The following SEM1 variants were observed in gnomAD, a reference collection of about 807,000 sequenced individuals.
The protein encoded by SEM1 is SEM1 26S proteasome subunit, also known as 26S proteasome complex subunit SEM1.
A neutral mutation model predicts 12.7 loss-of-function variants in SEM1; 3 were observed. The ratio of observed to expected loss-of-function variants is 0.24; its 90% CI spans 0.11 to 0.61. SEM1 has a LOEUF of 0.61. Ranked by LOEUF, SEM1 falls within the 20% of genes least tolerant of loss-of-function variation. The probability of loss-of-function intolerance (pLI) is 0.88; values close to 1 mark genes in which losing one functional copy is unlikely to be tolerated. For missense variants in SEM1, 59 were observed against 81.3 expected (o/e 0.73, Z 1.06); for synonymous variants, 30 against 27.8 (o/e 1.08, Z -0.25).
intron 2 of SEM1, among the ~76,000 whole-genome samples, chr7:96,549,916 T>C (rs1387888201): frequency 6.6e-6 from 1 of 152,160 alleles, no homozygotes; most frequent in South Asian, 2.1e-4. Context: ...TGTAACTAAA[T>C]GGTATTACTT....
chr7:96,534,237 AG>A (rs1326449622), intron 2 of SEM1, among the ~76,000 whole-genome samples: 1 of 152,088 alleles, frequency 6.6e-6, no homozygotes, highest in Non-Finnish European at 1.5e-5. Context: ...AACAAAAAAA[AG>A]TTCAGCTTTG....
intron 2 of SEM1, 25 bp downstream of exon 2, chr7:96,694,773 A>G (rs1790036985): frequency 1.4e-6 from 2 of 1,422,434 alleles, no homozygotes; most frequent in Non-Finnish European, 2.0e-6. Flanking sequence ...ACTGAACTAC[A>G]ATAAAAATCT....
intron 2 of SEM1, among the ~76,000 whole-genome samples, chr7:96,527,429 G>A (rs567864671): frequency 6.6e-6 from 1 of 152,232 alleles, no homozygotes; most frequent in South Asian, 2.1e-4. Flanking sequence ...GTGTACCAGG[G>A]TGCGGGTAGC....
intron 2 of SEM1, among the ~76,000 whole-genome samples, chr7:96,584,756 G>T (rs1175738534): frequency 1.1e-4 from 17 of 151,942 alleles, no homozygotes; most frequent in Admixed American, 9.8e-4. Context: ...CCAGTTGACC[G>T]CATTGGCTCC....
At chr7:96,566,955 G>T (rs1805858886) in intron 2 of SEM1, among the ~76,000 whole-genome samples, 1 of 151,546 alleles carries the variant, frequency 6.6e-6, no homozygotes, top group Non-Finnish European at 1.5e-5. Context: ...TGAGGATTTT[G>T]GTATACATCT....
downstream of SEM1, among the ~76,000 whole-genome samples, chr7:96,618,524 TA>T (rs1807788967): frequency 6.6e-6 from 1 of 152,192 alleles, no homozygotes; most frequent in Non-Finnish European, 1.5e-5. Flanking sequence ...CAATAACTCG[TA>T]AGTTCAGTAA....
downstream of SEM1, among the ~76,000 whole-genome samples, chr7:96,620,454 G>C (rs1473537345): frequency 1.3e-5 from 2 of 152,158 alleles, no homozygotes; most frequent in Admixed American, 6.5e-5. Flanking sequence ...GGCATGTGGG[G>C]TACCCTTTCT....
chr7:96,537,127 T>G (rs1804808810), intron 2 of SEM1, among the ~76,000 whole-genome samples: 1 of 151,766 alleles, frequency 6.6e-6, no homozygotes, highest in Non-Finnish European at 1.5e-5. Context: ...TTAACTAATA[T>G]AAGTCTACTT....
At chr7:96,617,047 T>C (rs1285387006) in intron 2 of SEM1, among the ~76,000 whole-genome samples, 1 of 152,132 alleles carries the variant, frequency 6.6e-6, no homozygotes. Context: ...TTTGGTTTCA[T>C]ACGAATTTCA....
intron 2 of SEM1, among the ~76,000 whole-genome samples, chr7:96,630,918 A>T (rs1808237446): frequency 6.6e-6 from 1 of 152,178 alleles, no homozygotes; most frequent in African/African-American, 2.4e-5. Flanking sequence ...AGGTATGTAT[A>T]GAAATGTTGT....
At chr7:96,523,574 G>A (rs1584735365) in intron 2 of SEM1, among the ~76,000 whole-genome samples, 2 of 152,080 alleles carry the variant, frequency 1.3e-5, no homozygotes, top group East Asian at 3.9e-4. Context: ...TCTCTTTACA[G>A]CTTTTGTTGC....
intron 2 of SEM1, chr7:96,650,181 A>C (rs1808927168): frequency 3.3e-6 from 1 of 305,960 alleles, no homozygotes; most frequent in African/African-American, 2.2e-5. Context: ...GCTCAAAGGC[A>C]GAGGTTTCCA....
At chr7:96,596,472 A>G (rs1466419754) in intron 2 of SEM1, among the ~76,000 whole-genome samples, 1 of 152,188 alleles carries the variant, frequency 6.6e-6, no homozygotes, top group African/African-American at 2.4e-5. Context: ...GGCACACAGC[A>G]CCATTAAGTC....
chr7:96,657,305 CAG>C (rs1487592614), intron 2 of SEM1, among the ~76,000 whole-genome samples: 2 of 152,196 alleles, frequency 1.3e-5, no homozygotes, highest in African/African-American at 4.8e-5. Context: ...ATTGTAGACA[CAG>C]ATGCATGTTT....
chr7:96,541,135 G>A (rs1307536143), intron 2 of SEM1, among the ~76,000 whole-genome samples: 4 of 151,786 alleles, frequency 2.6e-5, no homozygotes, highest in Non-Finnish European at 5.9e-5. Context: ...CGGTAGTTCT[G>A]CTTTACGTAC....
chr7:96,588,029 CCT>C (rs1252241056), intron 2 of SEM1, among the ~76,000 whole-genome samples: 1 of 152,046 alleles, frequency 6.6e-6, no homozygotes, highest in African/African-American at 2.4e-5. Flanking sequence ...CCTTAGAGCA[CCT>C]AAAAGGAGTA....
chr7:96,499,670 A>G (rs1803441619), upstream of SEM1, among the ~76,000 whole-genome samples: 1 of 152,176 alleles, frequency 6.6e-6, no homozygotes, highest in Non-Finnish European at 1.5e-5. Context: ...AGTTGTGCCT[A>G]TTTTTGTTCC....
chr7:96,583,068 G>T (rs1329293658), intron 2 of SEM1, among the ~76,000 whole-genome samples: 4 of 152,062 alleles, frequency 2.6e-5, no homozygotes, highest in Non-Finnish European at 2.9e-5. Context: ...TGATGTTAGG[G>T]TGTCAATTTG....
At chr7:96,605,687 A>C (rs1043740483) in intron 2 of SEM1, among the ~76,000 whole-genome samples, 1 of 152,200 alleles carries the variant, frequency 6.6e-6, no homozygotes, top group Non-Finnish European at 1.5e-5. Flanking sequence ...TTTCTCTTGA[A>C]ATAGAGTTCC....
Sources: gnomAD v4.1 joint callset for allele counts (sites outside exome capture counted in the v4.1 genomes callset) on GRCh38, gnomAD v4.1.1 for gene constraint, MANE v1.5 for transcripts, NCBI Gene and HGNC (gene_info 2026-07-23, HGNC 2026-07-21) for gene names.